SERAC1: variants seen among roughly 807,000 people sequenced by gnomAD.
SERAC1 encodes protein SERAC1.
In SERAC1, 36 loss-of-function variants were observed where a neutral mutation model predicts 85.7. The ratio of observed to expected loss-of-function variants is 0.42; its 90% CI spans 0.32 to 0.55. The LOEUF (loss-of-function observed/expected upper bound fraction) is 0.55. SERAC1 is among the 20% of genes least tolerant of loss of function. The pLI is 0.11. For missense variants in SERAC1, 629 were observed against 796.2 expected (o/e 0.79, Z 2.53); for synonymous variants, 242 against 265.3 (o/e 0.91, Z 0.85).
Position 158,110,386 on chromosome 6 carries a change from TAAACAAACAAAACA to T in SERAC1, c.*966_*979del, listed in dbSNP as rs1784117135. The T allele has an allele frequency of 6.6e-6, 1 of 152,008 alleles. No homozygotes were observed. Among genetic ancestry groups the T allele is most frequent in the South Asian group, 2.1e-4 (1 of 4,814 alleles). 9.4% of individuals were successfully genotyped at this position (152,008 alleles called of 1,614,324 possible). A position where few individuals can be genotyped will look rare whatever the true frequency, so the allele number is the denominator to read the frequency against. On this transcript the variant is annotated 3_prime_UTR_variant, in exon 17 of 17. Coordinates refer to ENST00000647468, the MANE Select transcript of SERAC1 (RefSeq NM_032861.4). ...GGGCAACAGAGTCAGACCCTGTCTC[TAAACAAACAAAACA>T]AAACAAAAATGAATTGTATAATTTA... is the stretch of plus-strand genomic sequence containing the variant.
At chr6:158,144,496 C>T (rs996286215) in intron 6 of SERAC1, 76 bp from the exon 7 acceptor site, 4 of 1,373,142 alleles carry the variant, frequency 2.9e-6, no homozygotes, top group Non-Finnish European at 3.0e-6. Context: ...GAACAAACAA[C>T]TTGAAAGCAC....
chr6:158,116,665 TCAGG>T (rs1784298078), intron 13 of SERAC1: 1 of 169,104 alleles, frequency 5.9e-6, no homozygotes, highest in Non-Finnish European at 1.3e-5. Context: ...AGCACCTGTG[TCAGG>T]CAATTTTTTC....
At chr6:158,151,990 C>T (rs566374874) in intron 3 of SERAC1, among the ~76,000 whole-genome samples, 5 of 152,310 alleles carry the variant, frequency 3.3e-5, no homozygotes, top group Admixed American at 3.3e-4. Context: ...GGGGTCATGT[C>T]ATCCTCCTGC....
rs150493809 is a variant in SERAC1 at position 158,155,774 on chromosome 6, G to A, written c.92-423C>T. ...ATACTGAAGGATTATATTGTCAAGT[G>A]GGGACATAAAAGAATGTTTTCTAAA... On this transcript the variant is annotated intron_variant, in intron 2 of 16. Transcript: ENST00000647468. Among the ~76,000 whole-genome samples, 285 of 152,264 alleles carry A rather than the reference G, an allele frequency of 1.9e-3. 1 individual carries two copies. Among genetic ancestry groups the A allele is most frequent in the African/African-American group, 6.5e-3 (271 of 41,562 alleles).
At chr6:158,154,159 C>CAAAAAA (rs3041474) in intron 3 of SERAC1, among the ~76,000 whole-genome samples, 34 of 65,976 alleles carry the variant, frequency 5.2e-4, no homozygotes, top group Non-Finnish European at 6.1e-4. Flanking sequence ...AACTCTGTCT[C>CAAAAAA]AAAAAAAAAA....
At chr6:158,147,927 C>T (rs1785111178) in intron 5 of SERAC1, among the ~76,000 whole-genome samples, 1 of 151,892 alleles carries the variant, frequency 6.6e-6, no homozygotes, top group Admixed American at 6.6e-5. Context: ...AATGACATTT[C>T]AGCCTTTCAC....
intron 1 of SERAC1, among the ~76,000 whole-genome samples, chr6:158,167,431 G>C (rs1296556345): frequency 6.6e-6 from 1 of 151,316 alleles, no homozygotes; most frequent in East Asian, 1.9e-4. Flanking sequence ...CCAGTTACTA[G>C]GGAGAATGAG....
At chr6:158,148,733 A>C in intron 5 of SERAC1, 132 bp downstream of exon 5, 1 of 633,430 alleles carries the variant, frequency 1.6e-6, no homozygotes, top group Non-Finnish European at 2.5e-6. Flanking sequence ...GTGAGCCACC[A>C]TACCTGGCCT....
intron 7 of SERAC1, 43 bp downstream of exon 7, chr6:158,144,256 C>T: frequency 6.7e-7 from 1 of 1,496,824 alleles, no homozygotes; most frequent in Non-Finnish European, 9.1e-7. Context: ...TATATTAAAC[C>T]ATTTTTCACT....
intron 1 of SERAC1, among the ~76,000 whole-genome samples, chr6:158,166,614 C>T (rs1785603273): frequency 6.6e-6 from 1 of 152,164 alleles, no homozygotes; most frequent in Non-Finnish European, 1.5e-5. Context: ...GTCTTTCCAT[C>T]TATTAATACG....
Position 158,119,248 on chromosome 6 carries a change from G to T in SERAC1, c.1167-78C>A. 6.8e-7 allele frequency: 1 copy of T among 1,476,254 alleles called. No homozygotes were observed. 91.4% of individuals were successfully genotyped at this position (1,476,254 alleles called of 1,614,324 possible). A position where few individuals can be genotyped will look rare whatever the true frequency, so the allele number is the denominator to read the frequency against. The stretch of plus-strand genomic sequence containing the variant: ...GGTAAGAATCTACACAGCATTCTCT[G>T]TGGATGGTGCTTTAGCAGGCTTATG... On this transcript the variant is annotated intron_variant, in intron 11 of 16. Coordinates refer to ENST00000647468, the MANE Select transcript of SERAC1 (RefSeq NM_032861.4). The surrounding 1 kb of genome is among the most constrained non-coding windows in gnomAD (Gnocchi z 4.5).
Position 158,163,017 on chromosome 6 carries a change from A to AC in SERAC1, c.-1-4654dup, listed in dbSNP as rs1404291180. ...GCTCCTGTCTTTTTGCTCTTGAGAAACCTGTGACCAGCACCATGTAAAGAT... is the reference window on the plus strand; with the variant it reads ...GCTCCTGTCTTTTTGCTCTTGAGAAACCCTGTGACCAGCACCATGTAAAGAT... On this transcript the variant is annotated intron_variant, in intron 1 of 16. Coordinates refer to ENST00000647468, the MANE Select transcript of SERAC1 (RefSeq NM_032861.4). Among the ~76,000 whole-genome samples the AC allele has an allele frequency of 2.0e-5, 3 of 152,118 alleles. No individual in the cohort carries two copies. The East Asian group carries it at 5.8e-4, about 29-fold the overall frequency.
At chr6:158,115,069 AG>A in intron 14 of SERAC1, 98 bp from the exon 15 acceptor site, 1 of 1,289,462 alleles carries the variant, frequency 7.8e-7, no homozygotes, top group Non-Finnish European at 1.1e-6. Context: ...ACATAAAAAG[AG>A]ATGCTTTCTT....
chr6:158,113,464 G>A lies in SERAC1; in HGVS notation c.1813C>T (p.Pro605Ser), dbSNP rs1278596506. Residue 605 changes from proline to serine, a missense_variant, in exon 16 of 17, where the codon CCT becomes TCT. Physicochemically the swap from Pro to Ser is moderately conservative, Grantham distance 74. Coordinates refer to ENST00000647468, the MANE Select transcript of SERAC1 (RefSeq NM_032861.4). ...GAGTGAATACCTGCTGATTCCACAGGTACCACATGGAGCTTAATCATGCTG... is the reference window on the plus strand; with the variant it reads ...GAGTGAATACCTGCTGATTCCACAGATACCACATGGAGCTTAATCATGCTG... ...IGSMIKLHVVPVESADLGIGD... is the reference protein window; with the variant it reads ...IGSMIKLHVVSVESADLGIGD... The A allele has an allele frequency of 1.2e-6, 2 of 1,613,068 alleles. No homozygotes were observed. Among genetic ancestry groups the A allele is most frequent in the Non-Finnish European group, 1.7e-6 (2 of 1,179,414 alleles).
At chr6:158,113,275 T>C (rs887766647) in intron 16 of SERAC1, 174 bp downstream of exon 16, 1 of 573,658 alleles carries the variant, frequency 1.7e-6, no homozygotes, top group Non-Finnish European at 3.0e-6. Context: ...ACCCGGGTTA[T>C]ATGTTTACAG....
In SERAC1 at chr6:158,120,851, T is replaced by G. The variant is rs546087563; in HGVS notation, c.1016-276A>C. On this transcript the variant is annotated intron_variant, in intron 10 of 16. Transcript: ENST00000647468. This position sits in a 1 kb window ranked among gnomAD's most constrained non-coding sequence, Gnocchi z 4.4. The stretch of plus-strand genomic sequence containing the variant: ...GAAAGCCTAACACTAATACCAATTA[T>G]AGAGGTGTTCATAGCAGTTATAGAG... Among the ~76,000 whole-genome samples the G allele has an allele frequency of 2.5e-3, 375 of 152,220 alleles. No individual in the cohort carries two copies. The highest frequency in any genetic ancestry group is 4.4e-3 in the Non-Finnish European group (297 of 68,014).
rs201763787 is a variant in SERAC1, at chr6:158,114,688, T to A, written c.1684+101A>T. ...TAGTCTAAACACAATTATATACAAA[T>A]TATAAAATGAGATAATACATTCAAG... On this transcript the variant is annotated intron_variant, in intron 15 of 16. Coordinates refer to ENST00000647468, the MANE Select transcript of SERAC1 (RefSeq NM_032861.4). 55 of 1,434,700 alleles carry A rather than the reference T, an allele frequency of 3.8e-5. No individual in the cohort carries two copies. Among genetic ancestry groups the A allele is most frequent in the African/African-American group, 1.0e-4 (7 of 67,212 alleles). The allele number at this position is 1,434,700 out of a possible 1,614,324, so 88.9% of individuals were successfully genotyped here.
chr6:158,134,970 G>C (rs984110692), intron 8 of SERAC1, among the ~76,000 whole-genome samples: 14 of 152,084 alleles, frequency 9.2e-5, no homozygotes, highest in Admixed American at 6.6e-5. Context: ...ACGTGCTTCT[G>C]GGCATGACAT....
In SERAC1 at chr6:158,150,483, T is replaced by C. The variant is rs1185942932; in HGVS notation, c.235A>G (p.Thr79Ala). The C allele has an allele frequency of 1.3e-6, 2 of 1,575,722 alleles. No homozygotes were observed. Among genetic ancestry groups the C allele is most frequent in the East Asian group, 2.2e-5 (1 of 44,608 alleles). Reference sequence around the variant, plus strand: ...TTTTCTCCTTTGTCTAAAGAAACTGTGTGCACATATATATATGACTTCATT... The same window carrying C: ...TTTTCTCCTTTGTCTAAAGAAACTGCGTGCACATATATATATGACTTCATT... Reference protein sequence around the residue: ...EKMKSYIYVHTVSLDKGENHG... With the variant: ...EKMKSYIYVHAVSLDKGENHG... Residue 79 changes from threonine to alanine, a missense_variant, in exon 4 of 17, where the codon ACA becomes GCA. Coordinates refer to ENST00000647468, the MANE Select transcript of SERAC1 (RefSeq NM_032861.4).
Sources: allele counts gnomAD v4.1 joint callset (sites outside exome capture counted in the v4.1 genomes callset), GRCh38; gene constraint gnomAD v4.1.1; non-coding constraint Gnocchi (gnomAD v3.1); transcripts MANE v1.5; gene names NCBI Gene and HGNC (gene_info 2026-07-23, HGNC 2026-07-21).